HDAC9: variants seen among roughly 807,000 people sequenced by gnomAD.
HDAC9 encodes MEF-2 interacting transcription repressor (MITR) protein.
A neutral mutation model predicts 139.4 loss-of-function variants in HDAC9; 41 were observed. The ratio of observed to expected loss-of-function variants is 0.29; its 90% CI spans 0.23 to 0.38. HDAC9 has a LOEUF of 0.38. Ranked by LOEUF, HDAC9 falls within the 10% of genes least tolerant of loss-of-function variation. The pLI is 1.00. For missense variants in HDAC9, 1,147 were observed against 1,297.0 expected (o/e 0.88, Z 1.78); for synonymous variants, 517 against 476.2 (o/e 1.09, Z -1.12).
At chr7:18,630,506 T>G (rs1013470981) in intron 7 of HDAC9, among the ~76,000 whole-genome samples, 3 of 152,144 alleles carry the variant, frequency 2.0e-5, no homozygotes, top group Non-Finnish European at 4.4e-5. Context: ...TAATGCAACC[T>G]GAAAGTTTGG....
At chr7:18,147,572 A>G (rs1270871936) in intron 1 of HDAC9, among the ~76,000 whole-genome samples, 3 of 152,078 alleles carry the variant, frequency 2.0e-5, no homozygotes, top group African/African-American at 7.2e-5. Flanking sequence ...AAATATGAAT[A>G]ATAAATTTAA....
intron 2 of HDAC9, among the ~76,000 whole-genome samples, chr7:18,564,781 CT>C (rs1821747012): frequency 6.6e-6 from 1 of 151,640 alleles, no homozygotes; most frequent in African/African-American, 2.4e-5. Context: ...AATTTTATAC[CT>C]TTTTATTTTT....
intron 2 of HDAC9, among the ~76,000 whole-genome samples, chr7:18,255,848 C>T (rs1331661120): frequency 6.6e-6 from 1 of 151,830 alleles, no homozygotes; most frequent in Non-Finnish European, 1.5e-5. Flanking sequence ...AGGATGGTCT[C>T]GATCTCTTGA....
At chr7:18,422,360 A>G (rs1009598863) in intron 1 of HDAC9, among the ~76,000 whole-genome samples, 1 of 152,188 alleles carries the variant, frequency 6.6e-6, no homozygotes, top group Non-Finnish European at 1.5e-5. Context: ...GCAACTAGCA[A>G]TCAGCCAAGC....
chr7:18,789,108 T>C (rs1792073609), intron 16 of HDAC9, among the ~76,000 whole-genome samples: 1 of 152,202 alleles, frequency 6.6e-6, no homozygotes, highest in Non-Finnish European at 1.5e-5. Context: ...GTTCAGTTCT[T>C]GATATGTAAA....
chr7:18,661,430 G>A (rs1302637214), intron 11 of HDAC9, among the ~76,000 whole-genome samples: 1 of 152,098 alleles, frequency 6.6e-6, no homozygotes, highest in Non-Finnish European at 1.5e-5. Context: ...TCAGGGGAGA[G>A]ATTGGAATTG....
intron 1 of HDAC9, among the ~76,000 whole-genome samples, chr7:18,464,496 A>G (rs554707810): frequency 6.6e-6 from 1 of 151,976 alleles, no homozygotes; most frequent in African/African-American, 2.4e-5. Context: ...TGTCATCTTG[A>G]TTTTTGTCAG....
chr7:18,365,209 T>A (rs1397205310), intron 1 of HDAC9, among the ~76,000 whole-genome samples: 1 of 152,054 alleles, frequency 6.6e-6, no homozygotes, highest in East Asian at 1.9e-4. Context: ...TAGCTGATGT[T>A]TTGATAGGGT....
In HDAC9 at chr7:18,728,007, G is replaced by A. The variant is rs1447552878; in HGVS notation, c.1909+250G>A. ...GGAAAATACATCAACAGGTGCATGA[G>A]TTTTTTGGAAATGAAAATCCCTGCA... On this transcript the variant is annotated intron_variant, in intron 13 of 25. Transcript: ENST00000686413. Among the ~76,000 whole-genome samples the A allele has an allele frequency of 2.6e-5, 4 of 152,124 alleles. No homozygotes were observed. The East Asian group carries it at 7.7e-4, about 29-fold the overall frequency.
At chr7:18,633,828 A>G (rs548852798) in intron 7 of HDAC9, among the ~76,000 whole-genome samples, 168 of 152,220 alleles carry the variant, frequency 1.1e-3, no homozygotes, top group African/African-American at 3.8e-3. Context: ...TATATTTTTG[A>G]TTAAATGTTT....
chr7:18,682,931 A>G (rs1781991046), intron 12 of HDAC9, among the ~76,000 whole-genome samples: 1 of 151,970 alleles, frequency 6.6e-6, no homozygotes, highest in Admixed American at 6.6e-5. Context: ...CAGTGAACTG[A>G]TATCATACCA....
chr7:18,220,208 A>G (rs1416885710), intron 2 of HDAC9, among the ~76,000 whole-genome samples: 1 of 152,200 alleles, frequency 6.6e-6, no homozygotes, highest in Admixed American at 6.5e-5. Flanking sequence ...TATAATTCTG[A>G]CCAAGAGTGT....
chr7:18,264,257 C>T (rs896362432), intron 2 of HDAC9, among the ~76,000 whole-genome samples: 1 of 152,010 alleles, frequency 6.6e-6, no homozygotes, highest in Non-Finnish European at 1.5e-5. Flanking sequence ...CAGGCTAAGC[C>T]ATATTTGCTA....
At chr7:18,704,327 G>T (rs1386792744) in intron 12 of HDAC9, among the ~76,000 whole-genome samples, 1 of 152,198 alleles carries the variant, frequency 6.6e-6, no homozygotes, top group Non-Finnish European at 1.5e-5. Flanking sequence ...ACTTTTCCTT[G>T]CTTAGGAATA....
At chr7:18,902,384 G>C (rs1278988144) in intron 22 of HDAC9, among the ~76,000 whole-genome samples, 1 of 152,124 alleles carries the variant, frequency 6.6e-6, no homozygotes, top group African/African-American at 2.4e-5. Flanking sequence ...GAATGAACAG[G>C]CTCCAGAAGA....
chr7:18,481,328 A>G (rs1795531435), intron 1 of HDAC9, among the ~76,000 whole-genome samples: 1 of 152,174 alleles, frequency 6.6e-6, no homozygotes, highest in African/African-American at 2.4e-5. Flanking sequence ...ACAGAATATG[A>G]ATTTTCTCTG....
chr7:18,930,281 C>T (rs1782861673), intron 22 of HDAC9, among the ~76,000 whole-genome samples: 3 of 152,246 alleles, frequency 2.0e-5, no homozygotes, highest in South Asian at 4.1e-4. Context: ...AAACACTCAA[C>T]CCCGCTTGAG....
At chr7:18,465,103 G>T (rs1794159871) in intron 1 of HDAC9, among the ~76,000 whole-genome samples, 1 of 152,022 alleles carries the variant, frequency 6.6e-6, no homozygotes, top group Non-Finnish European at 1.5e-5. Context: ...CTTTCTACAA[G>T]TGTTGATTCT....
intron 12 of HDAC9, among the ~76,000 whole-genome samples, chr7:18,681,753 A>T (rs936360618): frequency 6.6e-6 from 1 of 152,050 alleles, no homozygotes; most frequent in Non-Finnish European, 1.5e-5. Flanking sequence ...TAAGAAAGTT[A>T]GATTAAGTCA....
Sources: gnomAD v4.1 joint callset for allele counts (sites outside exome capture counted in the v4.1 genomes callset) on GRCh38, gnomAD v4.1.1 for gene constraint, MANE v1.5 for transcripts, NCBI Gene and HGNC (gene_info 2026-07-23, HGNC 2026-07-21) for gene names.